Variants in SLC25A53 observed in about 807,000 individuals in gnomAD.
The protein encoded by SLC25A53 is mitochondrial carrier triple repeat protein 6.
Under a neutral mutation model 15.0 loss-of-function variants are expected in SLC25A53, and 5 were observed. That is an observed-to-expected ratio of 0.33 (90% CI 0.17 to 0.70). The LOEUF (loss-of-function observed/expected upper bound fraction) is 0.70. Ranked by LOEUF, SLC25A53 falls within the 30% of genes least tolerant of loss-of-function variation. The pLI is 0.67. For synonymous variants in SLC25A53, 95 were observed against 100.0 expected (o/e 0.95, Z 0.30); for missense variants, 216 against 241.6 (o/e 0.89, Z 0.70).
intron 1 of SLC25A53, among the ~76,000 whole-genome samples, chrX:104,124,839 CTTTTTTTTTT>C (rs34662574): frequency 4.3e-4 from 27 of 62,276 alleles, no homozygotes; most frequent in African/African-American, 1.4e-3. Context: ...AACTTTTTTC[CTTTTTTTTTT>C]TTTTTTTTTT....
At chrX:104,117,971 C>G (rs1003209440) in intron 1 of SLC25A53, among the ~76,000 whole-genome samples, 3 of 111,543 alleles carry the variant, frequency 2.7e-5, no homozygotes, top group Non-Finnish European at 3.8e-5. Flanking sequence ...TCCTTCCCCC[C>G]CATCCTGTCC....
At chrX:104,147,840 T>C (rs1224262317) in intron 1 of SLC25A53, among the ~76,000 whole-genome samples, 2 of 109,596 alleles carry the variant, frequency 1.8e-5, no homozygotes, top group Non-Finnish European at 3.8e-5. Flanking sequence ...GGAACACTTT[T>C]ACACTGTTGG....
At chrX:104,127,929 A>C (rs1230904233) in intron 1 of SLC25A53, among the ~76,000 whole-genome samples, 1 of 110,878 alleles carries the variant, frequency 9.0e-6, no homozygotes, top group African/African-American at 3.3e-5. Flanking sequence ...ACGCCACTGC[A>C]CTCCAGCCTG....
At chrX:104,114,456 G>C (rs1207300525) in intron 1 of SLC25A53, 12 of 1,209,874 alleles carry the variant, frequency 9.9e-6, no homozygotes, top group African/African-American at 1.8e-5. Flanking sequence ...ATTTCTTGCG[G>C]GCAATGAAAT....
At chrX:104,126,787 A>T (rs1027229134) in intron 1 of SLC25A53, among the ~76,000 whole-genome samples, 4 of 112,829 alleles carry the variant, frequency 3.5e-5, no homozygotes, top group Admixed American at 2.8e-4. Context: ...AATGCAAATT[A>T]AAACCACAAT....
rs1305394053 is a variant in SLC25A53 at position 104,102,375 on chromosome X, TG to T, written c.*1958del. 1 of 112,717 alleles carries T rather than the reference TG, an allele frequency of 8.9e-6. No individual in the cohort carries two copies. 9.3% of individuals were successfully genotyped at this position (112,717 alleles called of 1,213,427 possible). A position where few individuals can be genotyped will look rare whatever the true frequency, so the allele number is the denominator to read the frequency against. The stretch of plus-strand genomic sequence containing the variant: ...ATGGTACAGTTGTACAGTGTGATTC[TG>T]TTTGTGAAATTTCAGTTCCTGAACT... On this transcript the variant is annotated 3_prime_UTR_variant, in exon 2 of 2. Transcript: ENST00000594199.
chrX:104,110,500 A>G (rs1168168224), intron 1 of SLC25A53, among the ~76,000 whole-genome samples: 1 of 112,317 alleles, frequency 8.9e-6, no homozygotes, highest in African/African-American at 3.2e-5. Context: ...CAAGTGAAGT[A>G]CCTTGGCAGA....
At chrX:104,156,572 G>C (rs1303817636) in intron 1 of SLC25A53, among the ~76,000 whole-genome samples, 1 of 110,717 alleles carries the variant, frequency 9.0e-6, no homozygotes, top group African/African-American at 3.3e-5. Context: ...CAGACAACAC[G>C]TTTTCGCCCT....
chrX:104,153,960 G>C (rs1230071908), intron 1 of SLC25A53, among the ~76,000 whole-genome samples: 4 of 112,051 alleles, frequency 3.6e-5, no homozygotes, highest in African/African-American at 1.3e-4. Flanking sequence ...GACCCCAAAA[G>C]CTCAAATAAC....
At chrX:104,150,109 T>G (rs1161218253) in intron 1 of SLC25A53, among the ~76,000 whole-genome samples, 1 of 109,092 alleles carries the variant, frequency 9.2e-6, no homozygotes, top group African/African-American at 3.4e-5. Context: ...GGCACACACC[T>G]GTAGTCCCAG....
rs2075272312 is a variant in SLC25A53, at chrX:104,099,440, A to G, written c.*4894T>C. 3 of 112,136 alleles carry G rather than the reference A, an allele frequency of 2.7e-5. No homozygotes were observed. The highest frequency in any genetic ancestry group is 5.6e-5 in the Non-Finnish European group (3 of 53,252). The allele number at this position is 112,136 out of a possible 1,213,427, so 9.2% of individuals were successfully genotyped here. A position where few individuals can be genotyped will look rare whatever the true frequency, so the allele number is the denominator to read the frequency against. On this transcript the variant is annotated 3_prime_UTR_variant, in exon 2 of 2. Coordinates refer to ENST00000594199, the MANE Select transcript of SLC25A53 (RefSeq NM_001012755.5). ...AATGAACTGTAAAAATAAAACCTGC[A>G]AACAACCAGAATGTTCCTCAAAGTT... is the stretch of plus-strand genomic sequence containing the variant.
Position 104,104,521 on chromosome X carries a change from TGCCATCC to T in SLC25A53, c.730_736del (p.Gly244ArgfsTer23). On this transcript the variant is annotated frameshift_variant, in exon 2 of 2. Coordinates refer to ENST00000594199, the MANE Select transcript of SLC25A53 (RefSeq NM_001012755.5). LOFTEE classifies it high-confidence loss of function. The stretch of plus-strand genomic sequence containing the variant: ...AGAGGCCCACAGGCTTGGCATGTTC[TGCCATCC>T]AATATGGGACTGCATATTAGCAACC... The T allele has an allele frequency of 8.3e-7, 1 of 1,212,009 alleles. No individual in the cohort carries two copies. Among genetic ancestry groups the T allele is most frequent in the Non-Finnish European group, 1.1e-6 (1 of 895,591 alleles).
At chrX:104,132,557 T>C (rs1602499574) in intron 1 of SLC25A53, among the ~76,000 whole-genome samples, 1 of 112,302 alleles carries the variant, frequency 8.9e-6, no homozygotes, top group South Asian at 3.7e-4. Context: ...GATTCTGGCT[T>C]CTAGTAAATG....
chrX:104,113,027 G>A (rs1297507630), intron 1 of SLC25A53: 3 of 102,484 alleles, frequency 2.9e-5, no homozygotes, highest in Non-Finnish European at 6.0e-5. Flanking sequence ...GTCGTAGGTC[G>A]GGGGTGTTGT....
intron 1 of SLC25A53, among the ~76,000 whole-genome samples, chrX:104,148,988 G>C (rs190022818): frequency 1.8e-5 from 2 of 112,030 alleles, no homozygotes; most frequent in African/African-American, 3.2e-5. Flanking sequence ...TATTTTAAAA[G>C]GAGGCACAAT....
chrX:104,115,475 T>C, intron 1 of SLC25A53: 2 of 507,932 alleles, frequency 3.9e-6, no homozygotes, highest in South Asian at 7.2e-5. Context: ...ACCAGCACAG[T>C]GGATGGGGAA....
At chrX:104,142,920 CA>C (rs1216011123) in intron 1 of SLC25A53, among the ~76,000 whole-genome samples, 55 of 33,946 alleles carry the variant, frequency 1.6e-3, no homozygotes, top group East Asian at 4.9e-3. Flanking sequence ...GACTCCATCT[CA>C]AAAAAAAAAA....
chrX:104,144,212 T>C (rs782039347), intron 1 of SLC25A53, among the ~76,000 whole-genome samples: 2 of 111,813 alleles, frequency 1.8e-5, no homozygotes, highest in Non-Finnish European at 3.8e-5. Context: ...AATAACCAGT[T>C]AGCATCATAA....
intron 1 of SLC25A53, among the ~76,000 whole-genome samples, chrX:104,141,048 A>C (rs782392473): frequency 8.9e-6 from 1 of 112,366 alleles, no homozygotes; most frequent in South Asian, 3.7e-4. Flanking sequence ...CCTCCAAAAA[A>C]TCTGCTCCTC....
Sources: gnomAD v4.1 joint callset for allele counts (sites outside exome capture counted in the v4.1 genomes callset) on GRCh38, gnomAD v4.1.1 for gene constraint, MANE v1.5 for transcripts, NCBI Gene and HGNC (gene_info 2026-07-23, HGNC 2026-07-21) for gene names.